The following PTPRD variants were observed in gnomAD, a reference collection of about 807,000 sequenced individuals.
The protein encoded by PTPRD is receptor-type tyrosine-protein phosphatase delta.
A neutral mutation model predicts 214.5 loss-of-function variants in PTPRD; 34 were observed. That is an observed-to-expected ratio of 0.16 (90% CI 0.12 to 0.21). The LOEUF (loss-of-function observed/expected upper bound fraction) is 0.21. Ranked by LOEUF, PTPRD falls within the 10% of genes least tolerant of loss-of-function variation. The pLI, the probability that PTPRD is intolerant of heterozygous loss-of-function variation, is 1.00. For synonymous variants in PTPRD, 1,128 were observed against 845.7 expected (o/e 1.33, Z -5.79); for missense variants, 2,545 against 2,398.7 (o/e 1.06, Z -1.27).
chr9:10,247,761 G>A (rs2092321996), intron 3 of PTPRD, among the ~76,000 whole-genome samples: 1 of 152,124 alleles, frequency 6.6e-6, no homozygotes, highest in African/African-American at 2.4e-5. Flanking sequence ...TGGCAAGGGA[G>A]ATAAGAGGAT....
intron 5 of PTPRD, among the ~76,000 whole-genome samples, chr9:9,923,506 C>T (rs1434767285): frequency 2.0e-5 from 3 of 151,484 alleles, no homozygotes; most frequent in Admixed American, 6.6e-5. Flanking sequence ...GATCTCCAAA[C>T]GAAATCAGTT....
chr9:10,060,026 T>C (rs2097728808), intron 3 of PTPRD, among the ~76,000 whole-genome samples: 1 of 152,172 alleles, frequency 6.6e-6, no homozygotes, highest in African/African-American at 2.4e-5. Context: ...AAAATCTTTA[T>C]GAATTTCTAG....
chr9:9,266,535 A>T (rs1054898757), intron 9 of PTPRD, among the ~76,000 whole-genome samples: 1 of 151,284 alleles, frequency 6.6e-6, no homozygotes, highest in Admixed American at 6.6e-5. Context: ...AGCAAACTGA[A>T]ATTATATCAA....
intron 5 of PTPRD, among the ~76,000 whole-genome samples, chr9:9,841,495 A>G (rs2058321682): frequency 6.6e-6 from 1 of 152,194 alleles, no homozygotes; most frequent in Non-Finnish European, 1.5e-5. Flanking sequence ...GACAAAAAGT[A>G]GGAGTACAAT....
At chr9:9,518,052 A>G (rs2096879044) in intron 8 of PTPRD, among the ~76,000 whole-genome samples, 1 of 152,086 alleles carries the variant, frequency 6.6e-6, no homozygotes, top group Non-Finnish European at 1.5e-5. Context: ...TTTGATAAAC[A>G]TTGATACTTT....
At chr9:9,576,657 A>G (rs1021239331) in intron 7 of PTPRD, among the ~76,000 whole-genome samples, 2 of 152,220 alleles carry the variant, frequency 1.3e-5, no homozygotes, top group Non-Finnish European at 2.9e-5. Context: ...GAGTATTAGA[A>G]TTAACATTTG....
Position 9,479,627 on chromosome 9 carries a change from C to T in PTPRD, c.-236-82145G>A, listed in dbSNP as rs553054134. Among the ~76,000 whole-genome samples the T allele has an allele frequency of 2.6e-4, 40 of 152,148 alleles. 1 individual carries two copies. In the South Asian group the frequency reaches 8.1e-3, roughly 31 times the overall value. ...CAACACTTTTAAGTATTATTAGATA[C>T]CATTCTTCCAAATAACAGAAATTAT... On this transcript the variant is annotated intron_variant, in intron 8 of 45. Coordinates refer to ENST00000381196, the MANE Select transcript of PTPRD (RefSeq NM_002839.4).
chr9:10,441,188 A>G (rs994996689), intron 2 of PTPRD, among the ~76,000 whole-genome samples: 3 of 151,870 alleles, frequency 2.0e-5, no homozygotes, highest in Admixed American at 6.6e-5. Flanking sequence ...ATTTAAAATG[A>G]AAATCTTTCA....
intron 10 of PTPRD, among the ~76,000 whole-genome samples, chr9:9,132,454 A>C (rs2099844300): frequency 6.6e-6 from 1 of 152,190 alleles, no homozygotes; most frequent in Admixed American, 6.5e-5. Context: ...TATGCATTGA[A>C]AGTCTTCTTG....
At chr9:10,554,958 C>CT (rs2062171106) in intron 2 of PTPRD, among the ~76,000 whole-genome samples, 1 of 152,140 alleles carries the variant, frequency 6.6e-6, no homozygotes, top group Admixed American at 6.6e-5. Context: ...CCGCTCCAGG[C>CT]TATACATTTC....
Position 8,315,887 on chromosome 9 carries a change from A to G in PTPRD, c.*1987T>C, listed in dbSNP as rs565235453. On this transcript the variant is annotated 3_prime_UTR_variant, in exon 46 of 46. Transcript: ENST00000381196. ...ATGTAATATGTGGCAAACTTATGCC[A>G]TCATCCATGGCTTCCTATAGAAATT... is the stretch of plus-strand genomic sequence containing the variant. The G allele has an allele frequency of 9.5e-4, 214 of 225,746 alleles. No homozygotes were observed. Among genetic ancestry groups the G allele is most frequent in the Admixed American group, 1.1e-3 (19 of 17,534 alleles). 14.0% of individuals were successfully genotyped at this position (225,746 alleles called of 1,614,324 possible). A position where few individuals can be genotyped will look rare whatever the true frequency, so the allele number is the denominator to read the frequency against.
intron 4 of PTPRD, among the ~76,000 whole-genome samples, chr9:10,026,390 AT>A (rs1422952886): frequency 6.6e-6 from 1 of 152,364 alleles, no homozygotes; most frequent in East Asian, 1.9e-4. Flanking sequence ...ATAAACTGAC[AT>A]TGTTTAAAAG....
intron 20 of PTPRD, among the ~76,000 whole-genome samples, chr9:8,518,929 TG>T (rs1004126860): frequency 5.0e-4 from 76 of 152,122 alleles, no homozygotes; most frequent in Non-Finnish European, 1.2e-4. Context: ...ATTAGCCCCT[TG>T]CCCCAATAAA....
intron 43 of PTPRD, among the ~76,000 whole-genome samples, chr9:8,338,142 A>C (rs942958498): frequency 1.3e-5 from 2 of 152,068 alleles, no homozygotes; most frequent in Non-Finnish European, 1.5e-5. Flanking sequence ...AAATAGCTTT[A>C]CCCTGGAGTT....
chr9:8,815,877 T>C (rs925000432), intron 11 of PTPRD, among the ~76,000 whole-genome samples: 2 of 152,224 alleles, frequency 1.3e-5, no homozygotes, highest in Non-Finnish European at 2.9e-5. Context: ...GCTGTTATTA[T>C]TGAATGTACA....
At chr9:8,450,935 TG>T (rs907781328) in intron 33 of PTPRD, among the ~76,000 whole-genome samples, 1 of 151,976 alleles carries the variant, frequency 6.6e-6, no homozygotes, top group South Asian at 2.1e-4. Context: ...GTTTTTACTG[TG>T]GGGGGGAAAA....
intron 11 of PTPRD, among the ~76,000 whole-genome samples, chr9:8,752,049 C>A (rs1221177055): frequency 6.6e-6 from 1 of 152,204 alleles, no homozygotes; most frequent in African/African-American, 2.4e-5. Flanking sequence ...GTCCCTTCCA[C>A]TTGCTGACCT....
At chr9:9,423,060 A>C (rs2079413194) in intron 8 of PTPRD, among the ~76,000 whole-genome samples, 1 of 152,134 alleles carries the variant, frequency 6.6e-6, no homozygotes, top group Non-Finnish European at 1.5e-5. Flanking sequence ...TCTAAACCTC[A>C]TCCTCTTCCT....
chr9:10,254,753 C>G (rs919689705), intron 3 of PTPRD, among the ~76,000 whole-genome samples: 2 of 152,106 alleles, frequency 1.3e-5, no homozygotes, highest in Non-Finnish European at 2.9e-5. Flanking sequence ...TTCTGTCCTG[C>G]TCAGGGGTCA....
Sources: gnomAD v4.1 joint callset for allele counts (sites outside exome capture counted in the v4.1 genomes callset) on GRCh38, gnomAD v4.1.1 for gene constraint, MANE v1.5 for transcripts, NCBI Gene and HGNC (gene_info 2026-07-23, HGNC 2026-07-21) for gene names.